Variants in DIP2A observed in about 807,000 individuals in gnomAD.
DIP2A encodes the protein disco-interacting protein 2 homolog A.
In DIP2A, 85 loss-of-function variants were observed where a neutral mutation model predicts 177.4. That is an observed-to-expected ratio of 0.48 (90% CI 0.40 to 0.57). The LOEUF is 0.57. Among genes scored for constraint, DIP2A ranks in the 20% least tolerant of loss-of-function variants. The pLI is 0.00. For synonymous variants in DIP2A, 886 were observed against 881.8 expected, an observed-to-expected ratio of 1.00 and a Z score of -0.08; for missense variants, 1,791 against 2,100.2, an observed-to-expected ratio of 0.85 and a Z score of 2.88.
intron 2 of DIP2A, 119 bp downstream of exon 2, chr21:46,484,947 T>C (rs1433051544): frequency 2.2e-6 from 2 of 904,768 alleles, no homozygotes; most frequent in African/African-American, 3.4e-5. Context: ...TAAACACTGG[T>C]ATATGTTGAT....
intron 2 of DIP2A, among the ~76,000 whole-genome samples, chr21:46,488,349 A>G (rs983598749): frequency 1.3e-5 from 2 of 152,212 alleles, no homozygotes; most frequent in African/African-American, 2.4e-5. Flanking sequence ...TAGGCAAGAT[A>G]GGAGACCTGG....
At chr21:46,466,127 A>G (rs1333328186) in intron 1 of DIP2A, among the ~76,000 whole-genome samples, 1 of 152,198 alleles carries the variant, frequency 6.6e-6, no homozygotes, top group African/African-American at 2.4e-5. Context: ...ATTGGTGACA[A>G]TATAATGAAT....
rs556880993 is a variant in DIP2A, at chr21:46,485,924, C to T, written c.163+1096C>T. Among the ~76,000 whole-genome samples the T allele has an allele frequency of 8.6e-5, 13 of 151,432 alleles. No individual in the cohort carries two copies. In the South Asian group the frequency reaches 2.1e-3, roughly 24 times the overall value. ...TGTCTCTACTAAAAATATAAAAATT[C>T]GCCGGGCATGGTGGTGCGTACCTGT... On this transcript the variant is annotated intron_variant, in intron 2 of 37. Coordinates refer to ENST00000417564, the MANE Select transcript of DIP2A (RefSeq NM_015151.4).
At position 46,557,640 on chromosome 21, in the gene DIP2A, G is replaced by A. The variant is rs748830774; in HGVS notation, c.3685G>A (p.Val1229Met). The A allele has an allele frequency of 2.5e-5, 41 of 1,613,350 alleles. 1 individual carries two copies. In the Admixed American group the frequency reaches 4.7e-4, roughly 18 times the overall value. Reference sequence around the variant, plus strand: ...GCCCCCGCTGGAGCTGGAGAGCAACGTGTCCCTGTGGCTGTCGGCCGTCAG... The same window carrying A: ...GCCCCCGCTGGAGCTGGAGAGCAACATGTCCCTGTGGCTGTCGGCCGTCAG... ...LVPPLELESN[V>M]SLWLSAVSQY... is the part of the protein sequence containing the mutation. The change falls in exon 31 of 38, where the codon GTG becomes ATG. Residue 1229 changes from valine (V) to methionine (M), a missense_variant. Val to Met is a conservative substitution (Grantham distance 21). Transcript: ENST00000417564. This position sits in a 1 kb window ranked among gnomAD's most constrained non-coding sequence, Gnocchi z 6.0.
chr21:46,522,986 C>A (rs527520529), intron 8 of DIP2A, among the ~76,000 whole-genome samples: 1 of 151,836 alleles, frequency 6.6e-6, no homozygotes, highest in African/African-American at 2.4e-5. Context: ...AGTGTAATGG[C>A]GCGATCTCAG....
chr21:46,489,785 G>T (rs2056901567), intron 2 of DIP2A, among the ~76,000 whole-genome samples: 1 of 152,106 alleles, frequency 6.6e-6, no homozygotes, highest in South Asian at 2.1e-4. Context: ...GTTTTGCTTT[G>T]TGCTGTCTGC....
intron 1 of DIP2A, 45 bp downstream of exon 1, chr21:46,459,267 C>CG: frequency 6.8e-7 from 1 of 1,461,640 alleles, no homozygotes; most frequent in Non-Finnish European, 9.1e-7. Context: ...GCCCTCAGCC[C>CG]GGTCCCCCGC....
At chr21:46,512,394 T>C (rs554489494) in intron 8 of DIP2A, among the ~76,000 whole-genome samples, 1 of 152,286 alleles carries the variant, frequency 6.6e-6, no homozygotes, top group South Asian at 2.1e-4. Context: ...AGTGCAGCAG[T>C]TTTCACTCCC....
intron 3 of DIP2A, among the ~76,000 whole-genome samples, chr21:46,495,849 G>A (rs1456990890): frequency 2.6e-5 from 4 of 151,894 alleles, no homozygotes; most frequent in African/African-American, 7.3e-5. Context: ...CAAGGCGGGC[G>A]GATCACCATG....
intron 1 of DIP2A, 117 bp from the exon 2 acceptor site, chr21:46,484,640 C>T: frequency 2.4e-6 from 2 of 850,274 alleles, no homozygotes; most frequent in Non-Finnish European, 1.8e-6. Flanking sequence ...TTTATTTGTC[C>T]AGACACTTCA....
chr21:46,509,761 C>T (rs966050147), intron 7 of DIP2A, among the ~76,000 whole-genome samples: 2 of 152,060 alleles, frequency 1.3e-5, no homozygotes, highest in East Asian at 1.9e-4. Flanking sequence ...GAATGAAATA[C>T]GTATTTAGGA....
At chr21:46,553,575 C>CG in intron 25 of DIP2A, 1 of 153,178 alleles carries the variant, frequency 6.5e-6, no homozygotes, top group Non-Finnish European at 1.5e-5. Flanking sequence ...ACACAGATGC[C>CG]TCTGAGAAAG....
intron 8 of DIP2A, among the ~76,000 whole-genome samples, chr21:46,515,633 C>G (rs998114515): frequency 2.6e-5 from 4 of 152,062 alleles, no homozygotes; most frequent in Non-Finnish European, 5.9e-5. Context: ...ACCCCCCAGG[C>G]TCAGGTGATC....
At chr21:46,491,570 A>T (rs191469854) in intron 3 of DIP2A, among the ~76,000 whole-genome samples, 3 of 152,322 alleles carry the variant, frequency 2.0e-5, no homozygotes, top group Non-Finnish European at 4.4e-5. Context: ...TTAAATATAT[A>T]AAAAATATTA....
In DIP2A at chr21:46,498,116, T is replaced by C. The variant is rs2057453068; in HGVS notation, c.404-466T>C. Among the ~76,000 whole-genome samples the C allele has an allele frequency of 2.0e-5, 3 of 152,212 alleles. No individual in the cohort carries two copies. Among genetic ancestry groups the C allele is most frequent in the Admixed American group, 1.3e-4 (2 of 15,284 alleles). Reference sequence around the variant, plus strand: ...GGTTCTCCCATGGCCACCATGTTGTTGCTGGGGCCATGCACAGGCCAGGAT... The same window carrying C: ...GGTTCTCCCATGGCCACCATGTTGTCGCTGGGGCCATGCACAGGCCAGGAT... On this transcript the variant is annotated intron_variant, in intron 4 of 37. Transcript: ENST00000417564. The surrounding 1 kb of genome is among the most constrained non-coding windows in gnomAD (Gnocchi z 4.3).
the DIP2A span, among the ~76,000 whole-genome samples, chr21:46,580,941 G>A: frequency 6.6e-6 from 1 of 152,084 alleles, no homozygotes; most frequent in African/African-American, 2.4e-5. Context: ...TCTTCTCATG[G>A]AGTATTTTAC....
rs1168153777 is a variant in DIP2A at position 46,464,817 on chromosome 21, C to CTTT, written c.91+5620_91+5622dup. Among the ~76,000 whole-genome samples the CTTT allele has an allele frequency of 2.7e-4, 20 of 73,438 alleles. 2 individuals are homozygous for CTTT. Among genetic ancestry groups the CTTT allele is most frequent in the Admixed American group, 1.1e-3 (6 of 5,276 alleles). 48.2% of individuals were successfully genotyped at this position (73,438 alleles called of 152,430 possible). The stretch of plus-strand genomic sequence containing the variant: ...TCTTCCTTTTTCTTAATATTCATGT[C>CTTT]TTTTTTTTTTTTTTTTTTTTTTTTT... On this transcript the variant is annotated intron_variant, in intron 1 of 37. Coordinates refer to ENST00000417564, the MANE Select transcript of DIP2A (RefSeq NM_015151.4).
intron 32 of DIP2A, chr21:46,559,032 G>A (rs2060571991): frequency 6.7e-6 from 1 of 149,636 alleles, no homozygotes; most frequent in Admixed American, 6.7e-5. Flanking sequence ...GGCAAGAGGA[G>A]GTTGCAGCGA....
chr21:46,460,733 G>T (rs1426992938), intron 1 of DIP2A, among the ~76,000 whole-genome samples: 1 of 151,006 alleles, frequency 6.6e-6, no homozygotes, highest in Non-Finnish European at 1.5e-5. Context: ...TTGCTCTGTT[G>T]CCCAGGCTGG....
Sources: allele counts gnomAD v4.1 joint callset (sites outside exome capture counted in the v4.1 genomes callset), GRCh38; gene constraint gnomAD v4.1.1; non-coding constraint Gnocchi (gnomAD v3.1); transcripts MANE v1.5; gene names NCBI Gene and HGNC (gene_info 2026-07-23, HGNC 2026-07-21).